The following SUGCT variants were observed in gnomAD, a reference collection of about 807,000 sequenced individuals.
SUGCT encodes succinyl-CoA:glutarate-CoA transferase.
SUGCT carries 41 observed loss-of-function variants against 55.0 expected under a neutral mutation model. The ratio of observed to expected loss-of-function variants is 0.74; its 90% confidence interval spans 0.58 to 0.97. The LOEUF (loss-of-function observed/expected upper bound fraction) is 0.97. SUGCT is among the 50% of genes least tolerant of loss of function. The pLI, the probability that SUGCT is intolerant of heterozygous loss-of-function variation, is 0.00. For synonymous variants in SUGCT, 187 were observed against 200.4 expected, an observed-to-expected ratio of 0.93 and a Z score of 0.56; for missense variants, 568 against 547.8, an observed-to-expected ratio of 1.04 and a Z score of -0.37.
the SUGCT span, among the ~76,000 whole-genome samples, chr7:40,914,946 A>T: frequency 6.6e-6 from 1 of 152,196 alleles, no homozygotes; most frequent in Admixed American, 6.5e-5. Context: ...TAAAATAAGG[A>T]AGATGAGAAT....
intron 12 of SUGCT, among the ~76,000 whole-genome samples, chr7:40,508,687 T>C: frequency 6.6e-6 from 1 of 152,140 alleles, no homozygotes. Context: ...TGACCTACAG[T>C]AATTTCCAGA....
intron 6 of SUGCT, among the ~76,000 whole-genome samples, chr7:40,225,342 C>A (rs748425505): frequency 2.0e-5 from 3 of 151,934 alleles, no homozygotes; most frequent in Non-Finnish European, 2.9e-5. Flanking sequence ...AGTTTTGCTG[C>A]CTTTCTGTGG....
intron 12 of SUGCT, among the ~76,000 whole-genome samples, chr7:40,738,890 G>A (rs1260297668): frequency 6.6e-6 from 1 of 152,096 alleles, no homozygotes; most frequent in Non-Finnish European, 1.5e-5. Context: ...GAGGCATTAA[G>A]TGCATTTCCT....
the SUGCT span, among the ~76,000 whole-genome samples, chr7:40,924,461 C>A: frequency 6.6e-6 from 1 of 152,128 alleles, no homozygotes; most frequent in Non-Finnish European, 1.5e-5. Context: ...GGTTGCCCCA[C>A]CCAGCTGGTC....
intron 13 of SUGCT, among the ~76,000 whole-genome samples, chr7:40,840,636 C>G (rs187541691): frequency 6.6e-6 from 1 of 152,034 alleles, no homozygotes; most frequent in Admixed American, 6.5e-5. Flanking sequence ...ATCTAAGTTT[C>G]TACCTCAAGA....
chr7:40,844,183 A>G (rs1472968688), intron 13 of SUGCT, among the ~76,000 whole-genome samples: 1 of 152,162 alleles, frequency 6.6e-6, no homozygotes, highest in Non-Finnish European at 1.5e-5. Flanking sequence ...CCCAGAAGGC[A>G]TGTGTTACAA....
chr7:40,185,982 G>A (rs923944667), intron 3 of SUGCT, among the ~76,000 whole-genome samples: 2 of 151,808 alleles, frequency 1.3e-5, no homozygotes, highest in African/African-American at 4.8e-5. Context: ...GCAACTTGGT[G>A]GTATTTTCAC....
At chr7:40,650,141 T>C (rs2151837859) in intron 12 of SUGCT, among the ~76,000 whole-genome samples, 1 of 152,300 alleles carries the variant, frequency 6.6e-6, no homozygotes, top group Non-Finnish European at 1.5e-5. Context: ...GATGGAGGCC[T>C]CTCTCAGTTC....
At chr7:40,585,409 G>A (rs1797323153) in intron 12 of SUGCT, among the ~76,000 whole-genome samples, 1 of 152,122 alleles carries the variant, frequency 6.6e-6, no homozygotes, top group Non-Finnish European at 1.5e-5. Context: ...TCTCATTCAA[G>A]GTTTGGACTT....
chr7:40,230,741 C>G (rs1788678154), intron 6 of SUGCT, among the ~76,000 whole-genome samples: 1 of 152,138 alleles, frequency 6.6e-6, no homozygotes, highest in Admixed American at 6.6e-5. Context: ...TAGGGGTTGT[C>G]AGCTTGCATT....
chr7:40,957,916 T>G, the SUGCT span, among the ~76,000 whole-genome samples: 1 of 152,198 alleles, frequency 6.6e-6, no homozygotes, highest in Non-Finnish European at 1.5e-5. Context: ...TCTCCTTCAC[T>G]TATGAAGCTT....
chr7:40,343,073 A>G (rs1325009268), intron 9 of SUGCT, among the ~76,000 whole-genome samples: 1 of 152,186 alleles, frequency 6.6e-6, no homozygotes, highest in African/African-American at 2.4e-5. Flanking sequence ...TGAACTTTGC[A>G]TGACTTTAAA....
intron 12 of SUGCT, among the ~76,000 whole-genome samples, chr7:40,575,839 A>T (rs1038623543): frequency 7.2e-5 from 11 of 151,886 alleles, no homozygotes; most frequent in African/African-American, 2.2e-4. Flanking sequence ...CAGCTACTCA[A>T]CAGGCTGAGG....
At chr7:40,904,407 C>T in the SUGCT span, among the ~76,000 whole-genome samples, 22 of 152,182 alleles carry the variant, frequency 1.4e-4, no homozygotes, top group Admixed American at 8.5e-4. Context: ...GTTTAAGGGA[C>T]GTAATTTGCT....
chr7:40,439,051 G>GTA (rs1342641374), intron 9 of SUGCT, among the ~76,000 whole-genome samples: 7 of 75,646 alleles, frequency 9.3e-5, no homozygotes, highest in African/African-American at 3.1e-4. Flanking sequence ...TATATATATG[G>GTA]TATATATATG....
chr7:40,305,071 T>C (rs1794777858), intron 8 of SUGCT, among the ~76,000 whole-genome samples: 1 of 152,146 alleles, frequency 6.6e-6, no homozygotes. Context: ...TTTCCTCCTT[T>C]CTTCACCCTG....
At chr7:40,364,989 T>G (rs1468376366) in intron 9 of SUGCT, among the ~76,000 whole-genome samples, 1 of 152,174 alleles carries the variant, frequency 6.6e-6, no homozygotes, top group African/African-American at 2.4e-5. Context: ...ATATCCTTGA[T>G]GAACATTGAT....
intron 10 of SUGCT, among the ~76,000 whole-genome samples, chr7:40,454,757 A>G (rs1430305240): frequency 6.6e-6 from 1 of 152,212 alleles, no homozygotes; most frequent in Non-Finnish European, 1.5e-5. Context: ...TTCAATATCC[A>G]GTAGAAATAT....
chr7:40,196,682 C>T (rs528444780), intron 6 of SUGCT, among the ~76,000 whole-genome samples: 5 of 152,226 alleles, frequency 3.3e-5, no homozygotes, highest in East Asian at 1.9e-4. Flanking sequence ...GCACTAGCCA[C>T]CACACCCGGG....
Sources: gnomAD v4.1 joint callset for allele counts (sites outside exome capture counted in the v4.1 genomes callset) on GRCh38, gnomAD v4.1.1 for gene constraint, MANE v1.5 for transcripts, NCBI Gene and HGNC (gene_info 2026-07-23, HGNC 2026-07-21) for gene names.